Variants in HMOX2 observed in about 807,000 individuals in gnomAD.
HMOX2 encodes heme oxygenase 2.
In HMOX2, 30 loss-of-function variants were observed where a neutral mutation model predicts 33.7. That is an observed-to-expected ratio of 0.89 (90% CI 0.67 to 1.21). The LOEUF (loss-of-function observed/expected upper bound fraction) is 1.21, where lower values mean the gene tolerates loss of function less well. Ranked by LOEUF, HMOX2 falls within the 50% of genes most tolerant of loss-of-function variation. The pLI, the probability that HMOX2 is intolerant of heterozygous loss-of-function variation, is 0.00. For missense variants in HMOX2, 403 were observed against 399.1 expected, an observed-to-expected ratio of 1.01 and a Z score of -0.08; for synonymous variants, 155 against 155.0, an observed-to-expected ratio of 1.00 and a Z score of 0.00.
At chr16:4,476,848 C>T (rs2057861703) in intron 1 of HMOX2, among the ~76,000 whole-genome samples, 1 of 152,208 alleles carries the variant, frequency 6.6e-6, no homozygotes, top group African/African-American at 2.4e-5. Context: ...GAGGTGACCC[C>T]CGGGGTCGTA....
At chr16:4,491,421 G>A (rs1370733257) in intron 1 of HMOX2, among the ~76,000 whole-genome samples, 1 of 152,050 alleles carries the variant, frequency 6.6e-6, no homozygotes, top group Non-Finnish European at 1.5e-5. Context: ...AGGCCAAGGC[G>A]GCTGGATCAC....
At chr16:4,500,848 T>C (rs1366472684) in intron 1 of HMOX2, among the ~76,000 whole-genome samples, 1 of 152,146 alleles carries the variant, frequency 6.6e-6, no homozygotes, top group Non-Finnish European at 1.5e-5. Flanking sequence ...TTGAAGTAAC[T>C]GTGATAGGAA....
intron 1 of HMOX2, among the ~76,000 whole-genome samples, chr16:4,504,682 CTTTTTTT>C (rs56922429): frequency 1.5e-5 from 1 of 65,838 alleles, no homozygotes; most frequent in Non-Finnish European, 2.7e-5. Flanking sequence ...TTGATACGGT[CTTTTTTT>C]TTTTTTTTTT....
intron 1 of HMOX2, among the ~76,000 whole-genome samples, chr16:4,488,381 G>A (rs909264689): frequency 6.6e-6 from 1 of 152,146 alleles, no homozygotes; most frequent in Non-Finnish European, 1.5e-5. Flanking sequence ...TAAACTCTTG[G>A]ACATTAAACT....
chr16:4,500,096 G>C (rs1413963234), intron 1 of HMOX2, among the ~76,000 whole-genome samples: 2 of 152,186 alleles, frequency 1.3e-5, no homozygotes, highest in African/African-American at 4.8e-5. Flanking sequence ...AGGGAATCTG[G>C]ATCTCTCTTG....
chr16:4,504,344 G>A (rs2058633802), intron 1 of HMOX2, among the ~76,000 whole-genome samples: 1 of 148,658 alleles, frequency 6.7e-6, no homozygotes, highest in African/African-American at 2.5e-5. Context: ...TTTGTTTTTG[G>A]TAACTTTCAA....
intron 1 of HMOX2, among the ~76,000 whole-genome samples, chr16:4,499,816 C>T (rs1007279714): frequency 1.3e-5 from 2 of 152,146 alleles, no homozygotes; most frequent in Non-Finnish European, 2.9e-5. Flanking sequence ...ACTTAGGAGT[C>T]AAGTCAGATC....
chr16:4,484,653 G>A (rs966782187), intron 1 of HMOX2, among the ~76,000 whole-genome samples: 1 of 151,672 alleles, frequency 6.6e-6, no homozygotes, highest in Admixed American at 6.6e-5. Context: ...TAGAGGTGAG[G>A]TTTCACCATA....
At chr16:4,482,133 C>G (rs2058047260) in intron 1 of HMOX2, among the ~76,000 whole-genome samples, 1 of 152,142 alleles carries the variant, frequency 6.6e-6, no homozygotes, top group Non-Finnish European at 1.5e-5. Context: ...AACTCCATTC[C>G]TCTACCATAT....
At chr16:4,507,129 C>G in intron 3 of HMOX2, 117 bp downstream of exon 3, 1 of 722,630 alleles carries the variant, frequency 1.4e-6, no homozygotes, top group Non-Finnish European at 2.5e-6. Context: ...TTTCTCCACA[C>G]TCCATTCCTT....
intron 1 of HMOX2, among the ~76,000 whole-genome samples, chr16:4,487,365 C>G (rs1364842172): frequency 6.6e-6 from 1 of 151,954 alleles, no homozygotes; most frequent in Non-Finnish European, 1.5e-5. Flanking sequence ...ACCAGCCTGA[C>G]CTCTAAAACT....
In HMOX2 at chr16:4,510,002, G is replaced by A. The variant is rs1008525495; in HGVS notation, c.*246G>A. 15 of 537,276 alleles carry A rather than the reference G, an allele frequency of 2.8e-5. No homozygotes were observed. The highest frequency in any genetic ancestry group is 7.5e-5 in the African/African-American group (4 of 53,066). 33.3% of individuals were successfully genotyped at this position (537,276 alleles called of 1,614,324 possible). On this transcript the variant is annotated 3_prime_UTR_variant, in exon 6 of 6. Coordinates refer to ENST00000570646, the MANE Select transcript of HMOX2 (RefSeq NM_002134.4). Reference sequence around the variant, plus strand: ...GCACAGTGCAGCAAGCCTGGCCCCCGACCCAGCTCTACTCCAGGCTTCCAC... The same window carrying A: ...GCACAGTGCAGCAAGCCTGGCCCCCAACCCAGCTCTACTCCAGGCTTCCAC...
chr16:4,480,624 GCGAC>G (rs1174915638), intron 1 of HMOX2, among the ~76,000 whole-genome samples: 3 of 150,194 alleles, frequency 2.0e-5, no homozygotes, highest in African/African-American at 7.4e-5. Flanking sequence ...TAGAGGTGGA[GCGAC>G]CGTGCCCGGC....
chr16:4,496,508 A>G (rs1476084111), intron 1 of HMOX2: 1 of 152,232 alleles, frequency 6.6e-6, no homozygotes, highest in African/African-American at 2.4e-5. Flanking sequence ...GTGTGGTACG[A>G]GTGCCTCTGT....
chr16:4,507,315 C>T lies in HMOX2; in HGVS notation c.204+303C>T, dbSNP rs17883378. 4.1e-3 allele frequency among the ~76,000 whole-genome samples: 627 copies of T among 151,980 alleles called. 7 individuals carry two copies. The highest frequency in any genetic ancestry group is 0.014 in the African/African-American group (586 of 41,444). On this transcript the variant is annotated intron_variant, in intron 3 of 5. Transcript: ENST00000570646. ...CAAAAATTAGCCGGGTGTGGTGGCG[C>T]GTGCCTGTACTCCCAGCTACTTGGG...
At chr16:4,507,159 T>G in intron 3 of HMOX2, 147 bp downstream of exon 3, 1 of 680,268 alleles carries the variant, frequency 1.5e-6, no homozygotes, top group Admixed American at 2.2e-5. Context: ...AAGCTCTGGC[T>G]CTCGGCTGGG....
At chr16:4,492,073 G>A (rs2141560459) in intron 1 of HMOX2, among the ~76,000 whole-genome samples, 1 of 152,228 alleles carries the variant, frequency 6.6e-6, no homozygotes, top group South Asian at 2.1e-4. Context: ...GCCAGGTGTG[G>A]TGCCTCCTGA....
intron 1 of HMOX2, among the ~76,000 whole-genome samples, chr16:4,491,170 G>A (rs1430377463): frequency 6.6e-6 from 1 of 152,206 alleles, no homozygotes; most frequent in Non-Finnish European, 1.5e-5. Flanking sequence ...ACAGGACAAA[G>A]TAAATTTTCA....
Position 4,478,234 on chromosome 16 carries a change from A to T in HMOX2, c.-42+1747A>T, listed in dbSNP as rs375463011. Among the ~76,000 whole-genome samples, 3 of 152,206 alleles carry T rather than the reference A, an allele frequency of 2.0e-5. No individual in the cohort carries two copies. The East Asian group carries it at 5.8e-4, about 29-fold the overall frequency. On this transcript the variant is annotated intron_variant, in intron 1 of 5. Transcript: ENST00000570646. ...CAAAAGGGGGAACGTGAGCAACTCT[A>T]GAAATGCCAGTGCCAGTGAGTTACA...
Sources: allele counts gnomAD v4.1 joint callset (sites outside exome capture counted in the v4.1 genomes callset), GRCh38; gene constraint gnomAD v4.1.1; transcripts MANE v1.5; gene names NCBI Gene and HGNC (gene_info 2026-07-23, HGNC 2026-07-21).